The following IK variants were observed in gnomAD, a reference collection of about 807,000 sequenced individuals.
IK encodes IK cytokine, also known as protein Red.
Under a neutral mutation model 90.9 loss-of-function variants are expected in IK, and 47 were observed. The ratio of observed to expected loss-of-function variants is 0.52; its 90% confidence interval spans 0.41 to 0.66. The LOEUF (loss-of-function observed/expected upper bound fraction) is 0.66, where lower values mean the gene tolerates loss of function less well. Ranked by LOEUF, IK falls within the 30% of genes least tolerant of loss-of-function variation. The pLI, the probability that IK is intolerant of heterozygous loss-of-function variation, is 0.00. For missense variants in IK, 385 were observed against 709.3 expected, an observed-to-expected ratio of 0.54 and a Z score of 5.19; for synonymous variants, 201 against 227.5, an observed-to-expected ratio of 0.88 and a Z score of 1.05.
chr5:140,656,022 A>C (rs753359723), intron 9 of IK, 30 bp downstream of exon 9: 28 of 1,549,134 alleles, frequency 1.8e-5, no homozygotes, highest in Middle Eastern at 1.7e-4. Flanking sequence ...AGAGCCTATC[A>C]TGTGAGCCTC....
chr5:140,662,077 C>G, intron 18 of IK, 70 bp downstream of exon 18: 3 of 1,575,896 alleles, frequency 1.9e-6, no homozygotes, highest in South Asian at 1.1e-5. Flanking sequence ...GATTCAGGAA[C>G]AGGCAAGGGG....
chr5:140,660,734 T>C (rs376762575), intron 15 of IK, 24 bp from the exon 16 acceptor site: 79 of 1,602,602 alleles, frequency 4.9e-5, no homozygotes, highest in Admixed American at 3.7e-4. Context: ...ATGCAACATC[T>C]GTTTAACTCT....
In IK at chr5:140,661,271, G is replaced by A; in HGVS notation, c.1414-349G>A. 1 of 284,096 alleles carries A rather than the reference G, an allele frequency of 3.5e-6. No individual in the cohort carries two copies. Among genetic ancestry groups the A allele is most frequent in the Non-Finnish European group, 6.6e-6 (1 of 151,822 alleles). The allele number at this position is 284,096 out of a possible 1,614,324, so 17.6% of individuals were successfully genotyped here. ...TGAGTTCACTGTATTGAAATAGCATGGTTTAATCTTGGAGCCTTGTTTAAT... is the reference window on the plus strand; with the variant it reads ...TGAGTTCACTGTATTGAAATAGCATAGTTTAATCTTGGAGCCTTGTTTAAT... On this transcript the variant is annotated intron_variant, in intron 16 of 19. Coordinates refer to ENST00000417647, the MANE Select transcript of IK (RefSeq NM_006083.4). The surrounding 1 kb of genome is among the most constrained non-coding windows in gnomAD (Gnocchi z 4.2).
chr5:140,651,699 T>C lies in IK; in HGVS notation c.84-15T>C. 5 of 1,454,590 alleles carry C rather than the reference T, an allele frequency of 3.4e-6. No homozygotes were observed. Among genetic ancestry groups the C allele is most frequent in the African/African-American group, 1.4e-5 (1 of 71,374 alleles). 90.1% of individuals were successfully genotyped at this position (1,454,590 alleles called of 1,614,324 possible). A position where few individuals can be genotyped will look rare whatever the true frequency, so the allele number is the denominator to read the frequency against. On this transcript the variant is annotated splice_polypyrimidine_tract_variant and intron_variant, in intron 2 of 19. Coordinates refer to ENST00000417647, the MANE Select transcript of IK (RefSeq NM_006083.4). ...ATTGAGTCCTAATATTTAAAATCTTTGCCTTTTCTTCTAGATCAAAACTCA... is the reference window on the plus strand; with the variant it reads ...ATTGAGTCCTAATATTTAAAATCTTCGCCTTTTCTTCTAGATCAAAACTCA...
intron 5 of IK, 142 bp downstream of exon 5, chr5:140,653,286 C>CT (rs58111764): frequency 0.066 from 24,281 of 370,128 alleles, 3 homozygotes; most frequent in South Asian, 0.081. Flanking sequence ...AAGGGCTGTT[C>CT]TTTTTTTTTT....
At chr5:140,648,040 G>C (rs987957327) in intron 1 of IK, 116 bp downstream of exon 1, 2 of 719,620 alleles carry the variant, frequency 2.8e-6, no homozygotes, top group African/African-American at 4.4e-5. Context: ...GTGTGTGTGT[G>C]TGTGTATGTA....
At chr5:140,653,691 G>A (rs1367635644) in intron 5 of IK, among the ~76,000 whole-genome samples, 7 of 135,346 alleles carry the variant, frequency 5.2e-5, no homozygotes, top group African/African-American at 1.7e-4. Flanking sequence ...TGCAGCCTCC[G>A]CCTCCCATGT....
At chr5:140,649,189 T>TTTTC (rs1561970711) in intron 2 of IK, among the ~76,000 whole-genome samples, 24 of 141,362 alleles carry the variant, frequency 1.7e-4, no homozygotes, top group South Asian at 8.8e-4. Flanking sequence ...TTTCTTTTTT[T>TTTTC]TTTTCTTTTC....
chr5:140,659,890 A>G lies in IK; in HGVS notation c.1274+56A>G, dbSNP rs1581485415. ...CCAGAGAACTGGTCTCTTTACTCCA[A>G]CCCCCCCTGCCTCCCTGCTCCCTCC... On this transcript the variant is annotated intron_variant, in intron 14 of 19. Coordinates refer to ENST00000417647, the MANE Select transcript of IK (RefSeq NM_006083.4). 3 of 1,265,554 alleles carry G rather than the reference A, an allele frequency of 2.4e-6. No individual in the cohort carries two copies. In the East Asian group the frequency reaches 7.5e-5, roughly 32 times the overall value. The allele number at this position is 1,265,554 out of a possible 1,614,324, so 78.4% of individuals were successfully genotyped here.
chr5:140,648,535 C>T lies in IK; in HGVS notation c.81C>T (p.His27=). The T allele has an allele frequency of 6.2e-7, 1 of 1,613,548 alleles. No homozygotes were observed. The highest frequency in any genetic ancestry group is 1.1e-5 in the South Asian group (1 of 91,082). ...GHDVDDPHSF[H]QSKLTNEDFR... ...ATGTGGATGATCCTCACTCCTTCCA[C>T]CAGTGAGTATTTTGTGCTAGGACCA... Residue 27 remains histidine, a splice_region_variant and synonymous_variant, in exon 2 of 20, where the codon CAC becomes CAT. Transcript: ENST00000417647.
At chr5:140,658,703 G>T (rs369181961) in intron 10 of IK, 34 bp from the exon 11 acceptor site, 31 of 1,543,822 alleles carry the variant, frequency 2.0e-5, no homozygotes, top group Non-Finnish European at 2.7e-5. Context: ...ATTAACTGAG[G>T]AGTATGTTCC....
chr5:140,659,178 C>A lies in IK; in HGVS notation c.1176+14C>A. On this transcript the variant is annotated intron_variant, in intron 12 of 19. Transcript: ENST00000417647. ...GTAGATGATGAGGTGAGATGTGGGC[C>A]CTTAGTACCAGGTGATGGAGTTGCC... 5 of 1,590,110 alleles carry A rather than the reference C, an allele frequency of 3.1e-6. No homozygotes were observed. Among genetic ancestry groups the A allele is most frequent in the Non-Finnish European group, 4.3e-6 (5 of 1,167,468 alleles).
chr5:140,660,589 C>T (rs1372551491), intron 15 of IK, 169 bp from the exon 16 acceptor site: 2 of 582,904 alleles, frequency 3.4e-6, no homozygotes, highest in Admixed American at 3.1e-5. Flanking sequence ...TGAGCCACTG[C>T]GCCTGGCCCA....
chr5:140,652,433 T>C (rs555081485), intron 4 of IK, among the ~76,000 whole-genome samples: 1 of 152,274 alleles, frequency 6.6e-6, no homozygotes, highest in South Asian at 2.1e-4. Context: ...TTTATCAGGA[T>C]GTCATGAGGA....
rs535647399 is a variant in IK at position 140,662,287 on chromosome 5, C to T, written c.1647-15C>T. The T allele has an allele frequency of 1.9e-5, 31 of 1,614,006 alleles. No homozygotes were observed. The highest frequency in any genetic ancestry group is 5.0e-5 in the Admixed American group (3 of 60,024). ...GTATTGATCTTATACTGACCCATTT[C>T]TCCTTCCATTGCAGGGTTGAAGTCA... On this transcript the variant is annotated splice_polypyrimidine_tract_variant and intron_variant, in intron 19 of 19. Coordinates refer to ENST00000417647, the MANE Select transcript of IK (RefSeq NM_006083.4).
In IK at chr5:140,661,059, G is replaced by A. The variant is rs1581486129; in HGVS notation, c.1413+244G>A. The stretch of plus-strand genomic sequence containing the variant: ...TTCCTATAGCAAAGTGCCAGGCTTT[G>A]ATTCCCATGGTAGGCAGTAAGCAAG... On this transcript the variant is annotated intron_variant, in intron 16 of 19. Coordinates refer to ENST00000417647, the MANE Select transcript of IK (RefSeq NM_006083.4). The surrounding 1 kb of genome is among the most constrained non-coding windows in gnomAD (Gnocchi z 4.2). The A allele has an allele frequency of 4.6e-6, 2 of 431,478 alleles. No homozygotes were observed. The highest frequency in any genetic ancestry group is 8.2e-6 in the Non-Finnish European group (2 of 245,188). The allele number at this position is 431,478 out of a possible 1,614,324, so 26.7% of individuals were successfully genotyped here.
At chr5:140,651,205 A>T (rs1018915253) in intron 2 of IK, among the ~76,000 whole-genome samples, 1 of 152,116 alleles carries the variant, frequency 6.6e-6, no homozygotes, top group African/African-American at 2.4e-5. Flanking sequence ...TAATCCCAGC[A>T]CTTTGGGAGG....
intron 8 of IK, among the ~76,000 whole-genome samples, chr5:140,655,030 G>A (rs770055128): frequency 6.6e-6 from 1 of 151,802 alleles, no homozygotes; most frequent in Non-Finnish European, 1.5e-5. Flanking sequence ...GCCCAGGCCG[G>A]TCTCAAACTC....
Position 140,661,794 on chromosome 5 carries a change from C to A in IK, c.1502+86C>A. 7.1e-7 allele frequency: 1 copy of A among 1,405,294 alleles called. No homozygotes were observed. The allele number at this position is 1,405,294 out of a possible 1,614,324, so 87.1% of individuals were successfully genotyped here. A position where few individuals can be genotyped will look rare whatever the true frequency, so the allele number is the denominator to read the frequency against. ...TGCATATAAGGTTAGAGGGTGTGGT[C>A]TGGCTGAGATGTTCCCCACTAAGTT... On this transcript the variant is annotated intron_variant, in intron 17 of 19. Transcript: ENST00000417647. The surrounding 1 kb of genome is among the most constrained non-coding windows in gnomAD (Gnocchi z 4.2).
Sources: gnomAD v4.1 joint callset for allele counts (sites outside exome capture counted in the v4.1 genomes callset) on GRCh38, gnomAD v4.1.1 for gene constraint, Gnocchi (gnomAD v3.1) non-coding constraint, MANE v1.5 for transcripts, NCBI Gene and HGNC (gene_info 2026-07-23, HGNC 2026-07-21) for gene names.